BRD1: variants seen among roughly 807,000 people sequenced by gnomAD.
BRD1 encodes the protein bromodomain-containing protein 1.
A neutral mutation model predicts 107.7 loss-of-function variants in BRD1; 24 were observed. The ratio of observed to expected loss-of-function variants is 0.22; its 90% CI spans 0.16 to 0.31. The LOEUF (loss-of-function observed/expected upper bound fraction) is 0.31. Among genes scored for constraint, BRD1 ranks in the 10% least tolerant of loss-of-function variants. BRD1 has a pLI of 1.00. For synonymous variants in BRD1, 744 were observed against 686.1 expected, an observed-to-expected ratio of 1.08 and a Z score of -1.32; for missense variants, 1,279 against 1,638.6, an observed-to-expected ratio of 0.78 and a Z score of 3.79.
intron 3 of BRD1, 97 bp from the exon 4 acceptor site, chr22:49,799,216 T>G (rs923380916): frequency 3.2e-5 from 47 of 1,491,812 alleles, no homozygotes; most frequent in Middle Eastern, 1.8e-4. Context: ...GGCATCCACG[T>G]CAGGGGTCCT....
chr22:49,782,571 T>C (rs1323627555), intron 8 of BRD1, among the ~76,000 whole-genome samples: 211 of 103,734 alleles, frequency 2.0e-3, no homozygotes, highest in Middle Eastern at 8.9e-3. Flanking sequence ...GTGCTGGGAC[T>C]CGCTCCGTGA....
Position 49,803,352 on chromosome 22 carries a change from A to G in BRD1, c.1524+852T>C, listed in dbSNP as rs965714641. ...TCGCTTCGTGCCCAGGATGGCAGTG[A>G]AAAGCACCATGAGGAAATTCCAAGA... On this transcript the variant is annotated intron_variant, in intron 3 of 12. Transcript: ENST00000404760. This position sits in a 1 kb window ranked among gnomAD's most constrained non-coding sequence, Gnocchi z 4.4. Among the ~76,000 whole-genome samples, 1 of 152,226 alleles carries G rather than the reference A, an allele frequency of 6.6e-6. No individual in the cohort carries two copies. The highest frequency in any genetic ancestry group is 1.5e-5 in the Non-Finnish European group (1 of 68,044).
intron 6 of BRD1, among the ~76,000 whole-genome samples, chr22:49,794,929 G>A (rs902216885): frequency 6.6e-6 from 1 of 152,020 alleles, no homozygotes; most frequent in Non-Finnish European, 1.5e-5. Context: ...CCTTAAATAA[G>A]TAAGAGATGG....
At chr22:49,826,163 G>C in intron 1 of BRD1, 1 of 985,360 alleles carries the variant, frequency 1.0e-6, no homozygotes, top group Non-Finnish European at 1.2e-6. Context: ...GATCAGAAAC[G>C]AACCTGTCAT....
At position 49,792,528 on chromosome 22, in the gene BRD1, C is replaced by A. The variant is rs1164105806; in HGVS notation, c.2359+1506G>T. Among the ~76,000 whole-genome samples, 6 of 152,232 alleles carry A rather than the reference C, an allele frequency of 3.9e-5. No homozygotes were observed. Among genetic ancestry groups the A allele is most frequent in the Non-Finnish European group, 7.3e-5 (5 of 68,042 alleles). ...CAGAAAAAACACGAGGCCCCCAAAG[C>A]AGAGGAGGGATCACGTGCCAACAAT... On this transcript the variant is annotated intron_variant, in intron 7 of 12. Transcript: ENST00000404760. The surrounding 1 kb of genome is among the most constrained non-coding windows in gnomAD (Gnocchi z 4.2).
chr22:49,822,104 T>TA (rs1004602480), intron 2 of BRD1, among the ~76,000 whole-genome samples: 2 of 152,240 alleles, frequency 1.3e-5, no homozygotes, highest in African/African-American at 4.8e-5. Flanking sequence ...CATTCCTTCT[T>TA]AAAGTTTAGT....
intron 2 of BRD1, among the ~76,000 whole-genome samples, chr22:49,811,722 A>G (rs1437846529): frequency 6.6e-6 from 1 of 152,228 alleles, no homozygotes; most frequent in Non-Finnish European, 1.5e-5. Context: ...ACACCATGGA[A>G]AGCAAAACCA....
rs184544587 is a variant in BRD1 at position 49,814,781 on chromosome 22, A to T, written c.1367+8170T>A. On this transcript the variant is annotated intron_variant, in intron 2 of 12. Transcript: ENST00000404760. The stretch of plus-strand genomic sequence containing the variant: ...AGCAGAGGTGATTATGTGTGGCAGT[A>T]ATCTGCCCCGCTGTCCCCAGTAGTA... Among the ~76,000 whole-genome samples, 15 of 152,338 alleles carry T rather than the reference A, an allele frequency of 9.8e-5. No homozygotes were observed. In the East Asian group the frequency reaches 2.5e-3, roughly 25 times the overall value.
In BRD1 at chr22:49,784,607, G is replaced by A. The variant is rs1373123503; in HGVS notation, c.2857+2783C>T. Among the ~76,000 whole-genome samples the A allele has an allele frequency of 3.3e-5, 5 of 152,248 alleles. 1 individual carries two copies. Among genetic ancestry groups the A allele is most frequent in the Admixed American group, 3.3e-4 (5 of 15,292 alleles). ...CAGCCTAACTCAGAATTGTGCGTGT[G>A]CTGGAAAATGCCAGATAACTCCCTA... On this transcript the variant is annotated intron_variant, in intron 8 of 12. Transcript: ENST00000404760.
At chr22:49,778,127 C>T (rs755578803) in intron 8 of BRD1, among the ~76,000 whole-genome samples, 7 of 152,196 alleles carry the variant, frequency 4.6e-5, no homozygotes, top group Non-Finnish European at 1.0e-4. Flanking sequence ...GAAAGGATGC[C>T]GTGAGCCTGC....
intron 12 of BRD1, 21 bp downstream of exon 12, chr22:49,775,570 G>A (rs776308004): frequency 3.2e-6 from 5 of 1,560,966 alleles, no homozygotes; most frequent in Non-Finnish European, 4.3e-6. Context: ...GGTCCCCGGA[G>A]TCTAAGGCCT....
At position 49,786,472 on chromosome 22, in the gene BRD1, C is replaced by T. The variant is rs554032698; in HGVS notation, c.2857+918G>A. 2.6e-5 allele frequency among the ~76,000 whole-genome samples: 4 copies of T among 152,344 alleles called. No homozygotes were observed. The South Asian group carries it at 8.3e-4, about 32-fold the overall frequency. ...TCAACAGAGTTCAGTTACAAAAGCGCAGCAAGAGATGAGAAGCGCTTTCCA... is the reference window on the plus strand; with the variant it reads ...TCAACAGAGTTCAGTTACAAAAGCGTAGCAAGAGATGAGAAGCGCTTTCCA... On this transcript the variant is annotated intron_variant, in intron 8 of 12. Coordinates refer to ENST00000404760, the MANE Select transcript of BRD1 (RefSeq NM_001304808.3).
In BRD1 at chr22:49,790,101, G is replaced by A. The variant is rs1457035592; in HGVS notation, c.2360-2214C>T. ...CAGCACTGACCAGAGGCACAAAGGA[G>A]GCCGTGGTCAGGAACAGAGGTCGCT... On this transcript the variant is annotated intron_variant, in intron 7 of 12. Coordinates refer to ENST00000404760, the MANE Select transcript of BRD1 (RefSeq NM_001304808.3). Among the ~76,000 whole-genome samples the A allele has an allele frequency of 2.0e-5, 3 of 152,244 alleles. No homozygotes were observed. In the East Asian group the frequency reaches 5.8e-4, roughly 29 times the overall value.
intron 2 of BRD1, among the ~76,000 whole-genome samples, chr22:49,813,839 A>T (rs1363530304): frequency 6.6e-6 from 1 of 152,012 alleles, no homozygotes; most frequent in African/African-American, 2.4e-5. Context: ...AAAAAAAAAA[A>T]AAAATTTGTA....
At chr22:49,826,550 G>C (rs2060150303) in intron 1 of BRD1, among the ~76,000 whole-genome samples, 1 of 152,242 alleles carries the variant, frequency 6.6e-6, no homozygotes, top group South Asian at 2.1e-4. Flanking sequence ...AGGCGGGGAA[G>C]GCTGCCCACA....
Position 49,776,984 on chromosome 22 carries a change from C to T in BRD1, c.3121+50G>A, listed in dbSNP as rs764162132. 4.4e-5 allele frequency: 71 copies of T among 1,608,184 alleles called. 2 individuals are homozygous for T. In the Admixed American group the frequency reaches 7.2e-4, roughly 16 times the overall value. Reference sequence around the variant, plus strand: ...AGTCCCCAGCAGTCGAGCCCTAAGACGCTAACCAGGAGGTGTGGAGAGCCA... The same window carrying T: ...AGTCCCCAGCAGTCGAGCCCTAAGATGCTAACCAGGAGGTGTGGAGAGCCA... On this transcript the variant is annotated intron_variant, in intron 10 of 12. Transcript: ENST00000404760.
At chr22:49,812,230 C>T (rs896481260) in intron 2 of BRD1, among the ~76,000 whole-genome samples, 1 of 151,222 alleles carries the variant, frequency 6.6e-6, no homozygotes, top group South Asian at 2.1e-4. Flanking sequence ...AGGAGTCATT[C>T]TTCACAGATA....
rs751396407 is a variant in BRD1 at position 49,799,048 on chromosome 22, C to T, written c.1596G>A (p.Leu532=). 1.9e-6 allele frequency: 3 copies of T among 1,611,328 alleles called. No individual in the cohort carries two copies. Among genetic ancestry groups the T allele is most frequent in the Admixed American group, 1.7e-5 (1 of 60,006 alleles). Residue 532 remains leucine, a synonymous_variant, in exon 4 of 13, where the codon CTG becomes CTA. Coordinates refer to ENST00000404760, the MANE Select transcript of BRD1 (RefSeq NM_001304808.3). ...LKYWQRLRHD[L]ERARLLIELL... is the part of the protein sequence containing the mutation. ...GCTCGATCAGCAGGCGAGCGCGCTC[C>T]AGGTCGTGCCGCAGCCGCTGCCAGT...
At position 49,822,958 on chromosome 22, in the gene BRD1, G is replaced by C; in HGVS notation, c.1360C>G (p.Pro454Ala). ...ATGCTTGGACACGCTTACCTCTGCG[G>C]GGGAATATAAGGAGCGCACACGGTC... ...LPTVCAPYIPPQRLNRIANQV... is the reference protein window; with the variant it reads ...LPTVCAPYIPAQRLNRIANQV... The change falls in exon 2 of 13, where the codon CCG (proline) becomes GCG (alanine). Residue 454 changes from proline (P) to alanine (A), a missense_variant. By Grantham distance (27) the Pro-to-Ala change is conservative (BLOSUM62 -1). Around this residue, in one of 7 missense-constraint regions of BRD1, gnomAD observed 87 missense variants for 77.1 expected, o/e 1.13. Coordinates refer to ENST00000404760, the MANE Select transcript of BRD1 (RefSeq NM_001304808.3). The C allele has an allele frequency of 6.2e-7, 1 of 1,613,854 alleles. No individual in the cohort carries two copies. Among genetic ancestry groups the C allele is most frequent in the East Asian group, 2.2e-5 (1 of 44,882 alleles).
Sources: gnomAD v4.1 joint callset for allele counts (sites outside exome capture counted in the v4.1 genomes callset) on GRCh38, gnomAD v4.1.1 for gene constraint, gnomAD v4.1.1 regional missense constraint, Gnocchi (gnomAD v3.1) non-coding constraint, MANE v1.5 for transcripts, NCBI Gene and HGNC (gene_info 2026-07-23, HGNC 2026-07-21) for gene names.